The following FAM13A variants were observed in gnomAD, a reference collection of about 807,000 sequenced individuals.
FAM13A encodes family with sequence similarity 13 member A, also known as protein FAM13A.
Under a neutral mutation model 129.6 loss-of-function variants are expected in FAM13A, and 76 were observed. That is an observed-to-expected ratio of 0.59 (90% CI 0.49 to 0.71). The LOEUF is 0.71. Among genes scored for constraint, FAM13A ranks in the 30% least tolerant of loss-of-function variants. FAM13A has a pLI of 0.00. For synonymous variants in FAM13A, 443 were observed against 449.9 expected (o/e 0.98, Z 0.20); for missense variants, 1,108 against 1,249.3 (o/e 0.89, Z 1.70).
At chr4:88,771,635 G>T (rs1201970553) in intron 11 of FAM13A, among the ~76,000 whole-genome samples, 1 of 151,954 alleles carries the variant, frequency 6.6e-6, no homozygotes, top group African/African-American at 2.4e-5. Flanking sequence ...TCTAAATTTG[G>T]GATCTTTTAA....
chr4:89,049,403 C>T (rs186071995), intron 1 of FAM13A, among the ~76,000 whole-genome samples: 75 of 152,222 alleles, frequency 4.9e-4, no homozygotes, highest in Non-Finnish European at 8.1e-4. Flanking sequence ...ACTAGGCCTA[C>T]GTGATTTCTT....
intron 21 of FAM13A, 171 bp from the exon 22 acceptor site, chr4:88,732,369 G>T (rs901744643): frequency 6.3e-6 from 3 of 478,106 alleles, no homozygotes; most frequent in African/African-American, 6.0e-5. Flanking sequence ...ATCTGTATTC[G>T]ATATAAATAT....
chr4:89,050,471 G>A (rs1309963855), intron 1 of FAM13A, among the ~76,000 whole-genome samples: 1 of 151,976 alleles, frequency 6.6e-6, no homozygotes. Flanking sequence ...ATCCCAAAGT[G>A]CTGGGATTAC....
intron 3 of FAM13A, 75 bp downstream of exon 3, chr4:89,020,385 G>T: frequency 9.4e-7 from 1 of 1,060,682 alleles, no homozygotes; most frequent in Non-Finnish European, 1.4e-6. Context: ...CCAAAGTGTT[G>T]GGATTATAGG....
intron 3 of FAM13A, among the ~76,000 whole-genome samples, chr4:89,011,398 C>T (rs1182202044): frequency 6.6e-6 from 1 of 152,118 alleles, no homozygotes; most frequent in Non-Finnish European, 1.5e-5. Flanking sequence ...AAAAAATTTT[C>T]ATTGTCCACT....
intron 8 of FAM13A, among the ~76,000 whole-genome samples, chr4:88,793,771 A>G (rs1318001653): frequency 1.3e-5 from 2 of 152,138 alleles, no homozygotes; most frequent in East Asian, 1.9e-4. Flanking sequence ...CATGATTACA[A>G]AAGGTTATGA....
At chr4:88,953,222 AGGCG>A (rs1757218758) in intron 4 of FAM13A, among the ~76,000 whole-genome samples, 1 of 151,900 alleles carries the variant, frequency 6.6e-6, no homozygotes, top group Non-Finnish European at 1.5e-5. Context: ...TGGGAAACCG[AGGCG>A]GGCAGACCAC....
At chr4:89,001,599 T>C (rs142510104) in intron 3 of FAM13A, among the ~76,000 whole-genome samples, 136 of 152,318 alleles carry the variant, frequency 8.9e-4, no homozygotes, top group Middle Eastern at 3.4e-3. Context: ...ATATATCATA[T>C]GCTTGTTATG....
chr4:89,004,964 G>A (rs1203168746), intron 3 of FAM13A, among the ~76,000 whole-genome samples: 1 of 136,006 alleles, frequency 7.4e-6, no homozygotes, highest in Non-Finnish European at 1.6e-5. Flanking sequence ...TTGTTACATA[G>A]GTAAACTCAT....
intron 6 of FAM13A, among the ~76,000 whole-genome samples, chr4:88,903,508 T>C (rs1008271963): frequency 3.3e-5 from 5 of 152,116 alleles, no homozygotes; most frequent in African/African-American, 1.2e-4. Context: ...AAGCAAACTA[T>C]GGGAAAATGA....
In FAM13A at chr4:88,942,743, T is replaced by TATTC. The variant is rs536726428; in HGVS notation, c.606-4506_606-4503dup. 6.6e-5 allele frequency among the ~76,000 whole-genome samples: 10 copies of TATTC among 152,294 alleles called. No homozygotes were observed. In the East Asian group the frequency reaches 1.9e-3, roughly 29 times the overall value. On this transcript the variant is annotated intron_variant, in intron 4 of 23. Transcript: ENST00000264344. The stretch of plus-strand genomic sequence containing the variant: ...TCCCTTCTTTCCTACCTTGCCTGAA[T>TATTC]ATTCGTAGGCTACTAACTCTCCGAA...
At chr4:88,802,816 T>C (rs1475794949) in intron 8 of FAM13A, among the ~76,000 whole-genome samples, 1 of 152,084 alleles carries the variant, frequency 6.6e-6, no homozygotes, top group Non-Finnish European at 1.5e-5. Context: ...ATACAATCCA[T>C]CTCTTCTCCA....
chr4:88,801,751 G>A (rs1333898367), intron 8 of FAM13A, among the ~76,000 whole-genome samples: 2 of 152,154 alleles, frequency 1.3e-5, no homozygotes, highest in Non-Finnish European at 2.9e-5. Context: ...TAAAGAAGGA[G>A]TTCAAGGATA....
chr4:89,021,318 A>G (rs6834414), intron 2 of FAM13A, among the ~76,000 whole-genome samples: 96 of 152,312 alleles, frequency 6.3e-4, no homozygotes, highest in African/African-American at 2.2e-3. Flanking sequence ...TGTGAAACCA[A>G]TGAAGCTTGA....
At chr4:89,023,012 A>C (rs534485537) in intron 2 of FAM13A, among the ~76,000 whole-genome samples, 1 of 152,204 alleles carries the variant, frequency 6.6e-6, no homozygotes, top group African/African-American at 2.4e-5. Flanking sequence ...AGAGGACACA[A>C]CTAAGATGTA....
At chr4:89,002,135 T>A (rs1764330555) in intron 3 of FAM13A, among the ~76,000 whole-genome samples, 1 of 120,342 alleles carries the variant, frequency 8.3e-6, no homozygotes, top group African/African-American at 3.2e-5. Context: ...TCCACTGAAA[T>A]GACAGTAAAA....
chr4:88,732,032 G>C lies in FAM13A; in HGVS notation c.2813C>G (p.Thr938Arg). Residue 938 changes from threonine (T) to arginine (R), a missense_variant, in exon 22 of 24, where the codon ACA becomes AGA. Transcript: ENST00000264344. ...DKIPSKCSQDTGLSNLHAASI... is the reference protein window; with the variant it reads ...DKIPSKCSQDRGLSNLHAASI... ...GGCAGCATGGAGATTTGAAAGCCCT[G>C]TGTCCTGGCTGCATTTTGATGGTAT... 1 of 1,613,408 alleles carries C rather than the reference G, an allele frequency of 6.2e-7. No homozygotes were observed. Among genetic ancestry groups the C allele is most frequent in the South Asian group, 1.1e-5 (1 of 90,896 alleles).
intron 20 of FAM13A, 87 bp downstream of exon 20, chr4:88,738,943 G>C: frequency 1.2e-6 from 1 of 843,100 alleles, no homozygotes; most frequent in Non-Finnish European, 2.1e-6. Context: ...TCTTTAATGA[G>C]AAAGCAGGTT....
intron 3 of FAM13A, among the ~76,000 whole-genome samples, chr4:88,991,481 T>G (rs7655875): frequency 0.012 from 1,841 of 152,136 alleles, 44 homozygotes; most frequent in African/African-American, 0.041. Context: ...TACTAACTTA[T>G]GCAAGAAATA....
Sources: allele counts gnomAD v4.1 joint callset (sites outside exome capture counted in the v4.1 genomes callset), GRCh38; gene constraint gnomAD v4.1.1; transcripts MANE v1.5; gene names NCBI Gene and HGNC (gene_info 2026-07-23, HGNC 2026-07-21).